SZT2: variants seen among roughly 807,000 people sequenced by gnomAD.
The protein encoded by SZT2 is KICSTOR complex protein SZT2.
SZT2 carries 216 observed loss-of-function variants against 404.2 expected under a neutral mutation model. That is an observed-to-expected ratio of 0.53 (90% CI 0.48 to 0.60). SZT2 has a LOEUF of 0.60. Among genes scored for constraint, SZT2 ranks in the 20% least tolerant of loss-of-function variants. The pLI is 0.00. For missense variants in SZT2, 3,857 were observed against 4,459.2 expected (o/e 0.86, Z 3.85); for synonymous variants, 1,693 against 1,749.9 (o/e 0.97, Z 0.81).
chr1:43,449,988 C>T (rs987358144), intron 70 of SZT2, 115 bp from the exon 71 acceptor site: 5 of 1,239,884 alleles, frequency 4.0e-6, no homozygotes, highest in Non-Finnish European at 4.7e-6. Flanking sequence ...CCTCAGGGTG[C>T]AGGCGGGGTG....
chr1:43,397,818 T>C (rs114551268), intron 1 of SZT2, among the ~76,000 whole-genome samples: 3,758 of 152,230 alleles, frequency 0.025, 157 homozygotes, highest in African/African-American at 0.086. Context: ...TGTGAGCCAC[T>C]ACGCCCGGCC....
chr1:43,432,602 G>A lies in SZT2; in HGVS notation c.5528G>A (p.Gly1843Glu), dbSNP rs183034572. ...PLISLPRVPQ[G>E]GSQPGPSRGL... ...ATCAGCCTGCCCCGCGTGCCACAGG[G>A]AGGTAAGAGAGGACTTGGGCAGCAG... Residue 1843 changes from glycine (G) to glutamate (E), a missense_variant and splice_region_variant, in exon 38 of 72, where the codon GGA (glycine) becomes GAA (glutamate). Transcript: ENST00000634258. 1.6e-5 allele frequency: 26 copies of A among 1,613,944 alleles called. No homozygotes were observed. The Admixed American group carries it at 2.7e-4, about 17-fold the overall frequency.
rs766392160 is a variant in SZT2, at chr1:43,442,244, T to C, written c.7874-24T>C. 37 of 1,607,960 alleles carry C rather than the reference T, an allele frequency of 2.3e-5. No individual in the cohort carries two copies. The highest frequency in any genetic ancestry group is 2.4e-5 in the Non-Finnish European group (28 of 1,176,920). ...AGGGGGATCTGTTCCCAGGCCCCTA[T>C]TGTGCCCCTCCCCCACCCTGTAGCT... On this transcript the variant is annotated intron_variant, in intron 56 of 71. Transcript: ENST00000634258. The surrounding 1 kb of genome is among the most constrained non-coding windows in gnomAD (Gnocchi z 4.5).
intron 1 of SZT2, among the ~76,000 whole-genome samples, chr1:43,396,336 C>A (rs1204366636): frequency 6.6e-6 from 1 of 152,192 alleles, no homozygotes; most frequent in South Asian, 2.1e-4. Flanking sequence ...AATAGACTCT[C>A]GTTTGGCAGA....
Position 43,431,344 on chromosome 1 carries a change from C to A in SZT2, c.4996C>A (p.Pro1666Thr), listed in dbSNP as rs1387576457. ...TTTAAGGTCAGATGATGGCCTCGGG[C>A]CCCCACTGCCACCCCCAGAAGAGGA... ...SSLRSDDGLG[P>T]PLPPPEEERH... is the part of the protein sequence containing the mutation. Residue 1666 changes from proline to threonine, a missense_variant, in exon 34 of 72, where the codon CCC (proline) becomes ACC (threonine). This residue lies in a region of SZT2 where 1,725 missense variants were observed against 1,881.0 expected (regional missense o/e 0.92). Transcript: ENST00000634258. The A allele has an allele frequency of 6.2e-7, 1 of 1,612,296 alleles. No homozygotes were observed. Among genetic ancestry groups the A allele is most frequent in the East Asian group, 2.2e-5 (1 of 44,816 alleles).
rs746392852 is a variant in SZT2 at position 43,404,520 on chromosome 1, C to T, written c.468C>T (p.Tyr156=). The T allele has an allele frequency of 6.2e-7, 1 of 1,613,736 alleles. No individual in the cohort carries two copies. The highest frequency in any genetic ancestry group is 2.2e-5 in the East Asian group (1 of 44,872). The change falls in exon 4 of 72, where the codon TAC becomes TAT. Residue 156 remains tyrosine (Y), a synonymous_variant. Transcript: ENST00000634258. ...AGATCTATGTAACTATCCAGGCCTA[C>T]TCCTCCATCATTGGACTGCAGTCCC... ...QPEIYVTIQA[Y]SSIIGLQSHQ... is the part of the protein sequence containing the mutation.
chr1:43,420,944 G>A lies in SZT2; in HGVS notation c.1457G>A (p.Arg486His), dbSNP rs1409442730. 5 of 1,598,398 alleles carry A rather than the reference G, an allele frequency of 3.1e-6. No individual in the cohort carries two copies. Among genetic ancestry groups the A allele is most frequent in the Non-Finnish European group, 3.4e-6 (4 of 1,179,804 alleles). The change falls in exon 10 of 72, where the codon CGT becomes CAT. Residue 486 changes from arginine (R) to histidine (H), a missense_variant. Arg to His is a conservative substitution (Grantham distance 29). This residue lies in a region of SZT2 where 536 missense variants were observed against 637.4 expected (regional missense o/e 0.84). Transcript: ENST00000634258. The surrounding 1 kb of genome is among the most constrained non-coding windows in gnomAD (Gnocchi z 5.1). ...AGGCAGCCCATTCGTTCATTGTATC[G>A]TACCCATGTTATCCGGCGTTTCTGG... ...ALRQPIRSLY[R>H]THVIRRFWNT...
rs774836644 is a variant in SZT2 at position 43,450,957 on chromosome 1, C to G, written c.*477C>G. ...ACCTGGGTTCCAATCCCAGCTCTGC[C>G]TTTGAAGCACTTGTGGCCACCGTCA... On this transcript the variant is annotated 3_prime_UTR_variant, in exon 72 of 72. Coordinates refer to ENST00000634258, the MANE Select transcript of SZT2 (RefSeq NM_001365999.1). The surrounding 1 kb of genome is among the most constrained non-coding windows in gnomAD (Gnocchi z 4.3). 1.3e-6 allele frequency: 1 copy of G among 761,302 alleles called. No homozygotes were observed. The highest frequency in any genetic ancestry group is 1.4e-5 in the South Asian group (1 of 73,732). The allele number at this position is 761,302 out of a possible 1,614,324, so 47.2% of individuals were successfully genotyped here. A position where few individuals can be genotyped will look rare whatever the true frequency, so the allele number is the denominator to read the frequency against.
At position 43,425,827 on chromosome 1, in the gene SZT2, TC is replaced by T; in HGVS notation, c.2815-6del. 1 of 1,613,348 alleles carries T rather than the reference TC, an allele frequency of 6.2e-7. No individual in the cohort carries two copies. The highest frequency in any genetic ancestry group is 8.5e-7 in the Non-Finnish European group (1 of 1,179,452). ...GTTGACTCCTGACCTCTGATGTTCT[TC>T]CTGTAGCTCCACCCACGGGATGCTG... On this transcript the variant is annotated splice_region_variant and splice_polypyrimidine_tract_variant and intron_variant, in intron 19 of 71. Transcript: ENST00000634258. The surrounding 1 kb of genome is among the most constrained non-coding windows in gnomAD (Gnocchi z 4.3).
At position 43,441,892 on chromosome 1, in the gene SZT2, C is replaced by A; in HGVS notation, c.7742+74C>A. 1.3e-6 allele frequency: 2 copies of A among 1,598,682 alleles called. No individual in the cohort carries two copies. Among genetic ancestry groups the A allele is most frequent in the East Asian group, 2.2e-5 (1 of 44,574 alleles). ...AAAGCTGGGCCTACAGGAAGCCAAA[C>A]CTGAGGAAGCTGAGCTAGGAGAGGT... On this transcript the variant is annotated intron_variant, in intron 55 of 71. Transcript: ENST00000634258. This position sits in a 1 kb window ranked among gnomAD's most constrained non-coding sequence, Gnocchi z 4.8.
At position 43,424,594 on chromosome 1, in the gene SZT2, G is replaced by C. The variant is rs566043182; in HGVS notation, c.2471+162G>C. On this transcript the variant is annotated intron_variant, in intron 16 of 71. Coordinates refer to ENST00000634258, the MANE Select transcript of SZT2 (RefSeq NM_001365999.1). This position sits in a 1 kb window ranked among gnomAD's most constrained non-coding sequence, Gnocchi z 4.1. ...CCCTCCCTGTCTCCTCCCATCACCC[G>C]ATTTGTTTTGTCCTCTCTCATCCTC... Among the ~76,000 whole-genome samples, 78 of 152,218 alleles carry C rather than the reference G, an allele frequency of 5.1e-4. No homozygotes were observed. The highest frequency in any genetic ancestry group is 1.8e-3 in the African/African-American group (76 of 41,528).
intron 30 of SZT2, 44 bp from the exon 31 acceptor site, chr1:43,430,245 CCCACTTGCCTAGGATGAGGCAA>C: frequency 6.3e-7 from 1 of 1,575,696 alleles, no homozygotes; most frequent in East Asian, 2.2e-5. Flanking sequence ...CAAGTGTAAT[CCCACTTGCCTAGGATGAGGCAA>C]GTGGGATTCT....
intron 51 of SZT2, 43 bp downstream of exon 51, chr1:43,440,091 G>C (rs1164351107): frequency 6.2e-7 from 1 of 1,612,090 alleles, no homozygotes; most frequent in East Asian, 2.2e-5. Context: ...GAATGTCACA[G>C]ATCCAAGCAG....
intron 70 of SZT2, chr1:43,449,894 A>G: frequency 1.6e-6 from 1 of 635,628 alleles, no homozygotes; most frequent in Non-Finnish European, 2.8e-6. Context: ...GTTACCCCTC[A>G]TTCTGATGCA....
intron 28 of SZT2, chr1:43,428,698 C>T (rs1653489824): frequency 1.6e-6 from 1 of 617,640 alleles, no homozygotes; most frequent in East Asian, 2.9e-5. Flanking sequence ...CCCCATCTCC[C>T]CTGCTTTGGT....
At position 43,437,578 on chromosome 1, in the gene SZT2, A is replaced by G. The variant is rs746781227; in HGVS notation, c.6291-17A>G. ...CCTGGGAGGAGGCATGTCCAAAGAC[A>G]TGCTGCTCTTTCCCAGGCTCCTAGA... On this transcript the variant is annotated splice_polypyrimidine_tract_variant and intron_variant, in intron 44 of 71. Coordinates refer to ENST00000634258, the MANE Select transcript of SZT2 (RefSeq NM_001365999.1). The surrounding 1 kb of genome is among the most constrained non-coding windows in gnomAD (Gnocchi z 5.3). 7 of 1,614,066 alleles carry G rather than the reference A, an allele frequency of 4.3e-6. No individual in the cohort carries two copies. Among genetic ancestry groups the G allele is most frequent in the South Asian group, 3.3e-5 (3 of 91,080 alleles).
chr1:43,439,598 T>C lies in SZT2; in HGVS notation c.6878-7T>C. 6.2e-7 allele frequency: 1 copy of C among 1,613,886 alleles called. No individual in the cohort carries two copies. The highest frequency in any genetic ancestry group is 8.5e-7 in the Non-Finnish European group (1 of 1,179,866). On this transcript the variant is annotated splice_region_variant and splice_polypyrimidine_tract_variant and intron_variant, in intron 49 of 71. Transcript: ENST00000634258. The surrounding 1 kb of genome is among the most constrained non-coding windows in gnomAD (Gnocchi z 4.2). ...AGAGCTGAGCCTTCCTATGGATTTC[T>C]ACCCAGGGGTTGCCTGCATCACTCT...
intron 1 of SZT2, among the ~76,000 whole-genome samples, chr1:43,400,208 G>A (rs989826083): frequency 6.6e-6 from 1 of 152,168 alleles, no homozygotes; most frequent in Non-Finnish European, 1.5e-5. Flanking sequence ...CCAAAGTGCT[G>A]AGATTACAAG....
chr1:43,390,642 ACCTTATATATGTTG>A, intron 1 of SZT2, among the ~76,000 whole-genome samples: 1 of 152,356 alleles, frequency 6.6e-6, no homozygotes, highest in Admixed American at 6.5e-5. Context: ...CATGCAAGGA[ACCTTATATATGTTG>A]TGTCATTCAG....
Sources: gnomAD v4.1 joint callset for allele counts (sites outside exome capture counted in the v4.1 genomes callset) on GRCh38, gnomAD v4.1.1 for gene constraint, gnomAD v4.1.1 regional missense constraint, Gnocchi (gnomAD v3.1) non-coding constraint, MANE v1.5 for transcripts, NCBI Gene and HGNC (gene_info 2026-07-23, HGNC 2026-07-21) for gene names.